The following OTOF variants were observed in gnomAD, a reference collection of about 807,000 sequenced individuals.
OTOF encodes the protein fer-1-like family member 2.
In OTOF, 218 loss-of-function variants were observed where a neutral mutation model predicts 236.8. That is an observed-to-expected ratio of 0.92 (90% confidence interval 0.82 to 1.03). The LOEUF is 1.03. Ranked by LOEUF, OTOF falls within the 50% of genes least tolerant of loss-of-function variation. The probability of loss-of-function intolerance (pLI) is 0.00; values close to 1 mark genes in which losing one functional copy is unlikely to be tolerated. For synonymous variants in OTOF, 1,041 were observed against 1,072.5 expected, an observed-to-expected ratio of 0.97 and a Z score of 0.57; for missense variants, 2,590 against 2,694.4, an observed-to-expected ratio of 0.96 and a Z score of 0.86.
chr2:26,464,927 C>T lies in OTOF; in HGVS notation c.4902G>A (p.Gly1634=). ...AGACGCGGTTGGCCACCTTCACTCT[C>T]CCAGGGGGCCCAAAGTGGGGGCCGT... is the stretch of plus-strand genomic sequence containing the variant. ...KVDGPHFGPP[G]RVKVANRVFT... is the part of the protein sequence containing the mutation. Residue 1634 remains glycine (G), a synonymous_variant, in exon 39 of 47, where the codon GGG becomes GGA. Coordinates refer to ENST00000272371, the MANE Select transcript of OTOF (RefSeq NM_194248.3). 6.3e-7 allele frequency: 1 copy of T among 1,586,860 alleles called. No individual in the cohort carries two copies. Among genetic ancestry groups the T allele is most frequent in the South Asian group, 1.2e-5 (1 of 86,026 alleles).
Position 26,480,862 on chromosome 2 carries a change from T to C in OTOF, c.1727A>G (p.Glu576Gly), listed in dbSNP as rs143008812. The change falls in exon 15 of 47, where the codon GAG becomes GGG. Residue 576 changes from glutamate to glycine, a missense_variant. Around this residue, in one of 2 missense-constraint regions of OTOF, gnomAD observed 1,379 missense variants for 1,341.6 expected, o/e 1.03. Transcript: ENST00000272371. Reference sequence around the variant, plus strand: ...CTCAGGGTTGGAGGTGTCTACGATCTCCACAGCCAGGCCCAGCAGGAGCCG... The same window carrying C: ...CTCAGGGTTGGAGGTGTCTACGATCCCCACAGCCAGGCCCAGCAGGAGCCG... The part of the protein sequence containing the change: ...RARLLLGLAV[E>G]IVDTSNPELT... 3 of 1,612,830 alleles carry C rather than the reference T, an allele frequency of 1.9e-6. No individual in the cohort carries two copies. Among genetic ancestry groups the C allele is most frequent in the Non-Finnish European group, 2.5e-6 (3 of 1,179,958 alleles).
At chr2:26,557,026 C>A (rs977684369) in intron 1 of OTOF, among the ~76,000 whole-genome samples, 1 of 152,188 alleles carries the variant, frequency 6.6e-6, no homozygotes, top group African/African-American at 2.4e-5. Flanking sequence ...AAAGGCAGCC[C>A]AGCCCACACC....
Position 26,470,794 on chromosome 2 carries a change from T to C in OTOF, c.3895-73A>G. On this transcript the variant is annotated intron_variant, in intron 31 of 46. Transcript: ENST00000272371. This position sits in a 1 kb window ranked among gnomAD's most constrained non-coding sequence, Gnocchi z 4.3. Reference sequence around the variant, plus strand: ...GACAATCCCGAGAGCCTCCACCCATTCCGCCATCTGTCAGCAGGAAGCCTT... The same window carrying C: ...GACAATCCCGAGAGCCTCCACCCATCCCGCCATCTGTCAGCAGGAAGCCTT... 1 of 1,575,142 alleles carries C rather than the reference T, an allele frequency of 6.3e-7. No individual in the cohort carries two copies. The highest frequency in any genetic ancestry group is 2.3e-5 in the East Asian group (1 of 42,738).
At chr2:26,472,390 C>A (rs577584525) in intron 30 of OTOF, 129 bp downstream of exon 30, 2 of 1,188,538 alleles carry the variant, frequency 1.7e-6, no homozygotes, top group East Asian at 4.7e-5. Flanking sequence ...AAGCTCAGCC[C>A]CCGACAGTCA....
At chr2:26,529,284 A>G (rs1163177110) in intron 2 of OTOF, among the ~76,000 whole-genome samples, 1 of 152,224 alleles carries the variant, frequency 6.6e-6, no homozygotes, top group Non-Finnish European at 1.5e-5. Context: ...GAAGGCAGTG[A>G]CTTTTTATTT....
chr2:26,541,155 C>A (rs746711253), intron 1 of OTOF, among the ~76,000 whole-genome samples: 2 of 152,090 alleles, frequency 1.3e-5, no homozygotes, highest in Non-Finnish European at 1.5e-5. Context: ...AGCAACCCAG[C>A]GGAGGATTGG....
At chr2:26,533,079 A>G (rs918254661) in intron 2 of OTOF, among the ~76,000 whole-genome samples, 1 of 152,192 alleles carries the variant, frequency 6.6e-6, no homozygotes, top group Non-Finnish European at 1.5e-5. Flanking sequence ...ATTCCCGCCT[A>G]AGCTCCATCT....
chr2:26,474,871 G>T (rs1459997381), intron 25 of OTOF, among the ~76,000 whole-genome samples, 197 bp from the exon 26 acceptor site: 1 of 152,004 alleles, frequency 6.6e-6, no homozygotes, highest in African/African-American at 2.4e-5. Context: ...CAGATGCCCG[G>T]CTCAGGACTA....
At chr2:26,537,800 T>A (rs1417586522) in intron 1 of OTOF, 26 bp from the exon 2 acceptor site, 1 of 1,527,950 alleles carries the variant, frequency 6.5e-7, no homozygotes, top group Non-Finnish European at 8.9e-7. Flanking sequence ...AAATAAATTC[T>A]AGGGTCAGAG....
At chr2:26,511,278 A>G (rs1572464034) in intron 5 of OTOF, among the ~76,000 whole-genome samples, 1 of 151,466 alleles carries the variant, frequency 6.6e-6, no homozygotes, top group African/African-American at 2.4e-5. Context: ...GGGTCCTGCT[A>G]TGGAGTGCAC....
At chr2:26,541,529 C>T (rs915841328) in intron 1 of OTOF, among the ~76,000 whole-genome samples, 7 of 152,092 alleles carry the variant, frequency 4.6e-5, no homozygotes, top group Admixed American at 2.0e-4. Context: ...TTGGAAGAGC[C>T]GTTTCAGGAG....
At chr2:26,519,139 A>T in intron 3 of OTOF, 30 bp from the exon 4 acceptor site, 1 of 1,432,508 alleles carries the variant, frequency 7.0e-7, no homozygotes, top group Non-Finnish European at 9.7e-7. Context: ...CACGGTGGTA[A>T]CATGGAAGAG....
chr2:26,489,440 C>T (rs1665783131), intron 10 of OTOF, 145 bp from the exon 11 acceptor site: 1 of 743,172 alleles, frequency 1.3e-6, no homozygotes, highest in Non-Finnish European at 2.4e-6. Context: ...TCAGCTCCTC[C>T]TGCCCACGCC....
chr2:26,528,106 C>G (rs1311077816), intron 2 of OTOF, among the ~76,000 whole-genome samples, 186 bp from the exon 3 acceptor site: 1 of 152,184 alleles, frequency 6.6e-6, no homozygotes. Flanking sequence ...CCTTGTAGAG[C>G]CGGCATTGTT....
chr2:26,501,318 C>T (rs1666110992), intron 8 of OTOF, among the ~76,000 whole-genome samples: 1 of 152,190 alleles, frequency 6.6e-6, no homozygotes, highest in Admixed American at 6.5e-5. Context: ...GTCTCACCAT[C>T]CAGAGATAAA....
At chr2:26,465,145 C>T (rs1312856653) in intron 38 of OTOF, 116 bp from the exon 39 acceptor site, 2 of 847,798 alleles carry the variant, frequency 2.4e-6, no homozygotes, top group South Asian at 2.4e-5. Context: ...GCAAGTGAGC[C>T]TGATTCCTCC....
intron 2 of OTOF, among the ~76,000 whole-genome samples, chr2:26,529,386 A>T (rs1666885874): frequency 6.6e-6 from 1 of 152,190 alleles, no homozygotes; most frequent in Admixed American, 6.5e-5. Context: ...TTTCTGGGGA[A>T]CTTTTTCTTA....
intron 4 of OTOF, among the ~76,000 whole-genome samples, chr2:26,517,736 A>T (rs1666570927): frequency 6.6e-6 from 1 of 152,176 alleles, no homozygotes; most frequent in Admixed American, 6.5e-5. Context: ...CCAGGACTTC[A>T]TTGTTCCCAT....
At chr2:26,523,544 C>T (rs1217220757) in intron 3 of OTOF, among the ~76,000 whole-genome samples, 1 of 152,184 alleles carries the variant, frequency 6.6e-6, no homozygotes, top group Non-Finnish European at 1.5e-5. Flanking sequence ...TCCCCAAATG[C>T]ATCGGTCATG....
Sources: allele counts gnomAD v4.1 joint callset (sites outside exome capture counted in the v4.1 genomes callset), GRCh38; gene constraint gnomAD v4.1.1; regional missense constraint gnomAD v4.1.1; non-coding constraint Gnocchi (gnomAD v3.1); transcripts MANE v1.5; gene names NCBI Gene and HGNC (gene_info 2026-07-23, HGNC 2026-07-21).